PCNX2: variants seen among roughly 807,000 people sequenced by gnomAD.
PCNX2 encodes pecanex-like protein 2.
A neutral mutation model predicts 223.8 loss-of-function variants in PCNX2; 168 were observed. The observed-to-expected ratio is 0.75, with a 90% CI of 0.66 to 0.85. The LOEUF is 0.85. PCNX2 is among the 40% of genes least tolerant of loss of function. The pLI is 0.00. For missense variants in PCNX2, 2,507 were observed against 2,675.5 expected, an observed-to-expected ratio of 0.94 and a Z score of 1.39; for synonymous variants, 1,006 against 1,052.6, an observed-to-expected ratio of 0.96 and a Z score of 0.86.
chr1:233,213,816 CTTTTTTTTTTTTTT>C (rs71173256), intron 12 of PCNX2, among the ~76,000 whole-genome samples: 3 of 65,226 alleles, frequency 4.6e-5, no homozygotes, highest in African/African-American at 6.4e-5. Flanking sequence ...CCAGTGCACT[CTTTTTTTTTTTTTT>C]TTTTTTTTTT....
Position 233,016,813 on chromosome 1 carries a change from C to T in PCNX2, c.4839+108G>A, listed in dbSNP as rs1670680699. Reference sequence around the variant, plus strand: ...GTCCAAATAGTGCTTTTTTTCTATCCTCTATGTTAAAAGTCTACCATAGAA... The same window carrying T: ...GTCCAAATAGTGCTTTTTTTCTATCTTCTATGTTAAAAGTCTACCATAGAA... On this transcript the variant is annotated intron_variant, in intron 27 of 33. Transcript: ENST00000258229. The T allele has an allele frequency of 6.8e-6, 10 of 1,464,612 alleles. No individual in the cohort carries two copies. The Admixed American group carries it at 9.7e-5, about 14-fold the overall frequency. The allele number at this position is 1,464,612 out of a possible 1,614,324, so 90.7% of individuals were successfully genotyped here.
intron 8 of PCNX2, among the ~76,000 whole-genome samples, chr1:233,243,296 G>A (rs190556393): frequency 5.3e-5 from 8 of 152,298 alleles, no homozygotes; most frequent in Admixed American, 1.3e-4. Context: ...AGAATCAGCC[G>A]TTTAATGGCC....
chr1:233,064,098 ATTTAT>A (rs1035297226), intron 23 of PCNX2, among the ~76,000 whole-genome samples: 10 of 151,924 alleles, frequency 6.6e-5, no homozygotes, highest in African/African-American at 2.4e-4. Context: ...GAAATCTGCT[ATTTAT>A]TTTATTTCCT....
intron 28 of PCNX2, among the ~76,000 whole-genome samples, chr1:233,008,312 G>A (rs1670354945): frequency 6.6e-6 from 1 of 152,130 alleles, no homozygotes; most frequent in East Asian, 1.9e-4. Context: ...TAGCTCCAAG[G>A]TGCTTCACTT....
chr1:233,159,649 A>G (rs565928111), intron 19 of PCNX2, among the ~76,000 whole-genome samples: 248 of 152,370 alleles, frequency 1.6e-3, no homozygotes, highest in African/African-American at 5.8e-3. Flanking sequence ...GGAAAGATCT[A>G]GCAGAAAAAT....
chr1:233,033,164 C>T (rs1671330051), intron 25 of PCNX2: 1 of 985,304 alleles, frequency 1.0e-6, no homozygotes, highest in Non-Finnish European at 1.2e-6. Context: ...ACTCTTGGCA[C>T]CTTTAATTGT....
At chr1:233,307,023 C>A in the PCNX2 span, among the ~76,000 whole-genome samples, 2 of 152,080 alleles carry the variant, frequency 1.3e-5, no homozygotes, top group Non-Finnish European at 2.9e-5. Context: ...GATAAAGAAT[C>A]TGTTGGGTAA....
rs140047447 is a variant in PCNX2 at position 233,076,350 on chromosome 1, T to G, written c.4076+13711A>C. ...GGCTTTTGACATGCATTTCCCCATA[T>G]AGCAAAAAGAAACTATGATCTTTAG... On this transcript the variant is annotated intron_variant, in intron 23 of 33. Transcript: ENST00000258229. Among the ~76,000 whole-genome samples the G allele has an allele frequency of 5.4e-3, 822 of 152,318 alleles. 6 individuals carry two copies. The highest frequency in any genetic ancestry group is 0.018 in the African/African-American group (758 of 41,564).
chr1:233,293,269 C>T (rs1159643242), intron 1 of PCNX2, among the ~76,000 whole-genome samples: 1 of 152,098 alleles, frequency 6.6e-6, no homozygotes, highest in Non-Finnish European at 1.5e-5. Flanking sequence ...AAATATATTG[C>T]TTTTATTCTT....
At chr1:233,056,254 T>C (rs1211718761) in intron 24 of PCNX2, among the ~76,000 whole-genome samples, 1 of 152,220 alleles carries the variant, frequency 6.6e-6, no homozygotes, top group Non-Finnish European at 1.5e-5. Flanking sequence ...ATGAGAGAAT[T>C]AGCCTTTGCT....
chr1:233,183,487 G>A (rs765123536), intron 15 of PCNX2, among the ~76,000 whole-genome samples: 6 of 152,232 alleles, frequency 3.9e-5, no homozygotes, highest in Admixed American at 1.3e-4. Context: ...TACATCAAAT[G>A]TGGATCAGGC....
intron 17 of PCNX2, among the ~76,000 whole-genome samples, chr1:233,175,681 G>C (rs1679438823): frequency 7.1e-6 from 1 of 140,382 alleles, no homozygotes; most frequent in African/African-American, 3.1e-5. Context: ...GTGGATGCTA[G>C]GCTTATGTCA....
At chr1:233,169,235 G>T (rs1252980202) in intron 17 of PCNX2, among the ~76,000 whole-genome samples, 1 of 151,936 alleles carries the variant, frequency 6.6e-6, no homozygotes, top group Non-Finnish European at 1.5e-5. Flanking sequence ...TCGGGGTATT[G>T]TGTGTGTGTT....
intron 1 of PCNX2, among the ~76,000 whole-genome samples, chr1:233,264,496 T>TA (rs1339854398): frequency 1.3e-5 from 2 of 151,956 alleles, no homozygotes; most frequent in Non-Finnish European, 2.9e-5. Flanking sequence ...GGACTGTCCC[T>TA]AAAATGGAAT....
At chr1:233,255,371 C>A (rs1343939879) in intron 5 of PCNX2, among the ~76,000 whole-genome samples, 1 of 152,196 alleles carries the variant, frequency 6.6e-6, no homozygotes, top group Non-Finnish European at 1.5e-5. Flanking sequence ...ACATCCGAAG[C>A]CTTTCCTTTT....
chr1:233,047,506 T>C (rs1671860729), intron 25 of PCNX2: 1 of 648,002 alleles, frequency 1.5e-6, no homozygotes, highest in Non-Finnish European at 1.9e-6. Flanking sequence ...TTACCTTAAA[T>C]TCCAGAAAAA....
chr1:233,293,769 T>C lies in PCNX2; in HGVS notation c.153+1557A>G, dbSNP rs566352566. 2.6e-5 allele frequency among the ~76,000 whole-genome samples: 4 copies of C among 152,194 alleles called. No individual in the cohort carries two copies. In the South Asian group the frequency reaches 8.3e-4, roughly 32 times the overall value. ...TCTCATATTCACCCTATAAGGGAGGTACTGTAATTATCCCTGCTTTACAAA... is the reference window on the plus strand; with the variant it reads ...TCTCATATTCACCCTATAAGGGAGGCACTGTAATTATCCCTGCTTTACAAA... On this transcript the variant is annotated intron_variant, in intron 1 of 33. Coordinates refer to ENST00000258229, the MANE Select transcript of PCNX2 (RefSeq NM_014801.4).
chr1:233,303,525 A>G, the PCNX2 span, among the ~76,000 whole-genome samples: 61,298 of 152,036 alleles, frequency 0.4, 12,521 homozygotes, highest in Middle Eastern at 0.46. Context: ...AAAAAATCAT[A>G]TATGTACATA....
chr1:233,025,560 A>G (rs1671055494), intron 25 of PCNX2, 161 bp from the exon 26 acceptor site: 1 of 815,298 alleles, frequency 1.2e-6, no homozygotes, highest in East Asian at 2.7e-5. Flanking sequence ...AGAAGTCACA[A>G]TTCTCATAAT....
Sources: allele counts gnomAD v4.1 joint callset (sites outside exome capture counted in the v4.1 genomes callset), GRCh38; gene constraint gnomAD v4.1.1; transcripts MANE v1.5; gene names NCBI Gene and HGNC (gene_info 2026-07-23, HGNC 2026-07-21).